The following CDC73 variants were observed in gnomAD, a reference collection of about 807,000 sequenced individuals.
CDC73 encodes the protein parafibromin.
In CDC73, 21 loss-of-function variants were observed where a neutral mutation model predicts 83.7. The observed-to-expected ratio is 0.25, with a 90% CI of 0.18 to 0.36. The LOEUF (loss-of-function observed/expected upper bound fraction) is 0.36, where lower values mean the gene tolerates loss of function less well. Among genes scored for constraint, CDC73 ranks in the 10% least tolerant of loss-of-function variants. The probability of loss-of-function intolerance (pLI) is 1.00; values close to 1 mark genes in which losing one functional copy is unlikely to be tolerated. For synonymous variants in CDC73, 224 were observed against 212.9 expected (o/e 1.05, Z -0.45); for missense variants, 342 against 653.3 (o/e 0.52, Z 5.19).
intron 3 of CDC73, among the ~76,000 whole-genome samples, chr1:193,133,046 C>T (rs1380447624): frequency 2.0e-5 from 3 of 151,928 alleles, no homozygotes; most frequent in South Asian, 2.1e-4. Flanking sequence ...GGACTACAGG[C>T]GCCTGCCACC....
At chr1:193,149,918 A>G (rs1216728300) in intron 8 of CDC73, among the ~76,000 whole-genome samples, 1 of 152,036 alleles carries the variant, frequency 6.6e-6, no homozygotes, top group Admixed American at 6.6e-5. Context: ...TTATTTAAGG[A>G]TTAATAATTT....
Position 193,152,865 on chromosome 1 carries a change from C to T in CDC73, c.972+421C>T, listed in dbSNP as rs182656259. On this transcript the variant is annotated intron_variant, in intron 10 of 16. Coordinates refer to ENST00000367435, the MANE Select transcript of CDC73 (RefSeq NM_024529.5). Reference sequence around the variant, plus strand: ...TGCGATCTCGGCTCACTGCAACCTCCGCCTCCCGGGTTCACGCCATTCTCC... The same window carrying T: ...TGCGATCTCGGCTCACTGCAACCTCTGCCTCCCGGGTTCACGCCATTCTCC... Among the ~76,000 whole-genome samples, 208 of 152,080 alleles carry T rather than the reference C, an allele frequency of 1.4e-3. 1 individual carries two copies. Among genetic ancestry groups the T allele is most frequent in the African/African-American group, 4.8e-3 (201 of 41,472 alleles).
chr1:193,135,855 T>C (rs909200906), intron 5 of CDC73, among the ~76,000 whole-genome samples: 1 of 151,178 alleles, frequency 6.6e-6, no homozygotes, highest in African/African-American at 2.4e-5. Flanking sequence ...CAGAATTCTT[T>C]TTCCTTTCTG....
chr1:193,237,553 C>A (rs865955570), intron 15 of CDC73, among the ~76,000 whole-genome samples: 2 of 152,102 alleles, frequency 1.3e-5, no homozygotes, highest in Non-Finnish European at 2.9e-5. Flanking sequence ...TTACTTAGGC[C>A]TCCCAGAACG....
chr1:193,123,337 C>T (rs1019173208), intron 1 of CDC73, among the ~76,000 whole-genome samples: 1 of 152,192 alleles, frequency 6.6e-6, no homozygotes, highest in African/African-American at 2.4e-5. Flanking sequence ...AAGTGATTCT[C>T]TTGCCTCAGC....
intron 10 of CDC73, among the ~76,000 whole-genome samples, chr1:193,158,775 CTA>C (rs1181250941): frequency 6.6e-6 from 1 of 151,926 alleles, no homozygotes; most frequent in Non-Finnish European, 1.5e-5. Flanking sequence ...AAATGAAACA[CTA>C]TTTTTTATAT....
intron 9 of CDC73, 45 bp downstream of exon 9, chr1:193,150,427 A>C: frequency 7.5e-7 from 1 of 1,326,076 alleles, no homozygotes. Flanking sequence ...GGTTGTGTTG[A>C]ACTTGAGAGG....
intron 10 of CDC73, among the ~76,000 whole-genome samples, chr1:193,201,009 G>T (rs931403003): frequency 6.6e-6 from 1 of 151,838 alleles, no homozygotes; most frequent in Non-Finnish European, 1.5e-5. Flanking sequence ...TCCCAGTTTT[G>T]TTCCAAGAAG....
intron 10 of CDC73, among the ~76,000 whole-genome samples, chr1:193,183,300 A>G (rs1443425107): frequency 6.6e-6 from 1 of 151,424 alleles, no homozygotes; most frequent in Non-Finnish European, 1.5e-5. Context: ...TGAAATTTCT[A>G]GTTTCTGAGA....
In CDC73 at chr1:193,251,216, A is replaced by G. The variant is rs1321621892; in HGVS notation, c.*504A>G. 1 of 232,338 alleles carries G rather than the reference A, an allele frequency of 4.3e-6. No homozygotes were observed. Among genetic ancestry groups the G allele is most frequent in the East Asian group, 6.1e-5 (1 of 16,354 alleles). 14.4% of individuals were successfully genotyped at this position (232,338 alleles called of 1,614,324 possible). A position where few individuals can be genotyped will look rare whatever the true frequency, so the allele number is the denominator to read the frequency against. On this transcript the variant is annotated 3_prime_UTR_variant, in exon 17 of 17. Transcript: ENST00000367435. ...TACACTATATCTACACTTACTCATT[A>G]TTTAAAAAGAATAATGAAAAATCTA...
At chr1:193,218,449 G>T (rs1292068073) in intron 13 of CDC73, among the ~76,000 whole-genome samples, 1 of 152,142 alleles carries the variant, frequency 6.6e-6, no homozygotes, top group Non-Finnish European at 1.5e-5. Context: ...AAAGGAGGCA[G>T]AATAGCCAAA....
intron 15 of CDC73, among the ~76,000 whole-genome samples, chr1:193,237,805 A>C (rs1677789091): frequency 6.6e-6 from 1 of 152,002 alleles, no homozygotes; most frequent in Non-Finnish European, 1.5e-5. Context: ...TCCAGGAAAA[A>C]ACCTGTGTCT....
At chr1:193,180,821 C>T in intron 10 of CDC73, 1 of 1,614,060 alleles carries the variant, frequency 6.2e-7, no homozygotes, top group Non-Finnish European at 8.5e-7. Flanking sequence ...GTTTTCATAA[C>T]ATATGGAATA....
intron 10 of CDC73, among the ~76,000 whole-genome samples, chr1:193,162,136 A>T (rs1435963510): frequency 4.0e-5 from 2 of 50,398 alleles, no homozygotes; most frequent in East Asian, 4.2e-4. Context: ...ATTGTATATA[A>T]TATATATTAT....
At chr1:193,235,462 T>C (rs1461983271) in intron 14 of CDC73, among the ~76,000 whole-genome samples, 1 of 152,222 alleles carries the variant, frequency 6.6e-6, no homozygotes, top group Non-Finnish European at 1.5e-5. Flanking sequence ...ATGCTACTAA[T>C]GTTAACCATT....
intron 10 of CDC73, among the ~76,000 whole-genome samples, chr1:193,198,727 G>C (rs1460855948): frequency 1.3e-5 from 2 of 152,222 alleles, no homozygotes; most frequent in African/African-American, 4.8e-5. Flanking sequence ...TTTGTGAAGG[G>C]AAGTCTTCAA....
At chr1:193,124,487 A>G (rs1675527963) in intron 1 of CDC73, among the ~76,000 whole-genome samples, 2 of 152,188 alleles carry the variant, frequency 1.3e-5, no homozygotes, top group African/African-American at 4.8e-5. Flanking sequence ...TAGAAGGGGA[A>G]AGTGTAGAAG....
At chr1:193,205,331 A>G (rs1461049376) in intron 11 of CDC73, among the ~76,000 whole-genome samples, 1 of 151,800 alleles carries the variant, frequency 6.6e-6, no homozygotes, top group East Asian at 1.9e-4. Context: ...TCAATAGTGC[A>G]GATTTGGATA....
At chr1:193,151,078 A>G (rs1676097378) in intron 9 of CDC73, among the ~76,000 whole-genome samples, 1 of 152,224 alleles carries the variant, frequency 6.6e-6, no homozygotes, top group South Asian at 2.1e-4. Context: ...ATTCTGGCTA[A>G]TGCAATAACA....
Sources: allele counts gnomAD v4.1 joint callset (sites outside exome capture counted in the v4.1 genomes callset), GRCh38; gene constraint gnomAD v4.1.1; transcripts MANE v1.5; gene names NCBI Gene and HGNC (gene_info 2026-07-23, HGNC 2026-07-21).